CTNND2: variants seen among roughly 807,000 people sequenced by gnomAD.
CTNND2 encodes the protein catenin delta-2.
Under a neutral mutation model 144.4 loss-of-function variants are expected in CTNND2, and 22 were observed. The ratio of observed to expected loss-of-function variants is 0.15; its 90% CI spans 0.11 to 0.22. The LOEUF (loss-of-function observed/expected upper bound fraction) is 0.22. Ranked by LOEUF, CTNND2 falls within the 10% of genes least tolerant of loss-of-function variation. CTNND2 has a pLI of 1.00. For synonymous variants in CTNND2, 751 were observed against 695.6 expected (o/e 1.08, Z -1.25); for missense variants, 1,353 against 1,618.8 (o/e 0.84, Z 2.82).
chr5:11,232,807 G>T (rs370852484), intron 10 of CTNND2, among the ~76,000 whole-genome samples: 4 of 152,278 alleles, frequency 2.6e-5, no homozygotes, highest in East Asian at 3.9e-4. Flanking sequence ...GAATGATATC[G>T]TTTGGCTCTG....
rs559546402 is a variant in CTNND2, at chr5:11,825,885, G to A, written c.37+77932C>T. ...GTCAACTAGGAATTCTATACCTAGT[G>A]GAAATAAACAATAAAATAAATCAAC... On this transcript the variant is annotated intron_variant, in intron 1 of 21. Transcript: ENST00000304623. Among the ~76,000 whole-genome samples, 6 of 151,972 alleles carry A rather than the reference G, an allele frequency of 3.9e-5. No homozygotes were observed. The South Asian group carries it at 1.2e-3, about 32-fold the overall frequency.
At chr5:11,041,365 C>T (rs1580120751) in intron 16 of CTNND2, among the ~76,000 whole-genome samples, 1 of 152,162 alleles carries the variant, frequency 6.6e-6, no homozygotes, top group African/African-American at 2.4e-5. Flanking sequence ...GGTATAATTT[C>T]CAATTTATCT....
intron 10 of CTNND2, among the ~76,000 whole-genome samples, chr5:11,233,366 G>C (rs1005728069): frequency 6.6e-5 from 10 of 152,286 alleles, no homozygotes; most frequent in Admixed American, 5.2e-4. Context: ...AACAAGAAAG[G>C]CATGATTTAT....
intron 3 of CTNND2, among the ~76,000 whole-genome samples, chr5:11,416,003 A>C (rs1581147485): frequency 6.6e-6 from 1 of 152,276 alleles, no homozygotes; most frequent in Non-Finnish European, 1.5e-5. Flanking sequence ...GTTGTGTTAA[A>C]ACTCTGTAAT....
chr5:11,670,045 T>C (rs1356213818), intron 2 of CTNND2, among the ~76,000 whole-genome samples: 4 of 152,240 alleles, frequency 2.6e-5, no homozygotes, highest in South Asian at 2.1e-4. Flanking sequence ...TCAGTTTCCA[T>C]GTAGTTACGT....
intron 2 of CTNND2, among the ~76,000 whole-genome samples, chr5:11,629,409 C>A (rs187560686): frequency 1.3e-5 from 2 of 152,232 alleles, no homozygotes; most frequent in Admixed American, 6.5e-5. Context: ...CCATTCCCTA[C>A]CCCTGGCATC....
intron 3 of CTNND2, among the ~76,000 whole-genome samples, chr5:11,530,437 T>C (rs1329803888): frequency 6.6e-6 from 1 of 152,148 alleles, no homozygotes; most frequent in East Asian, 1.9e-4. Flanking sequence ...GAAGTCCCCC[T>C]CCCTGCTTTC....
intron 2 of CTNND2, among the ~76,000 whole-genome samples, chr5:11,591,245 C>T (rs1342977379): frequency 6.6e-6 from 1 of 152,162 alleles, no homozygotes; most frequent in Non-Finnish European, 1.5e-5. Flanking sequence ...GGTTATACAA[C>T]TTTGGGATCA....
chr5:11,271,729 T>C (rs1012119005), intron 9 of CTNND2, among the ~76,000 whole-genome samples: 3 of 152,304 alleles, frequency 2.0e-5, no homozygotes, highest in Middle Eastern at 3.4e-3. Flanking sequence ...ATCTGCAAAT[T>C]TGGCTCCAAT....
chr5:11,656,429 A>T (rs180814508), intron 2 of CTNND2, among the ~76,000 whole-genome samples: 69 of 151,578 alleles, frequency 4.6e-4, no homozygotes, highest in Middle Eastern at 3.4e-3. Context: ...AAAAAAAAAA[A>T]ATATACTAAT....
intron 12 of CTNND2, among the ~76,000 whole-genome samples, chr5:11,138,519 T>G (rs1580392907): frequency 6.6e-6 from 1 of 152,202 alleles, no homozygotes; most frequent in African/African-American, 2.4e-5. Context: ...GACCTGGTAG[T>G]GGCACTGGTG....
Position 11,034,153 on chromosome 5 carries a change from C to T in CTNND2, c.2789-11174G>A, listed in dbSNP as rs185750298. On this transcript the variant is annotated intron_variant, in intron 16 of 21. Transcript: ENST00000304623. Reference sequence around the variant, plus strand: ...TTAGGGGAAAAACAGAGATGTCTTTCCCCTGGTTTTATCATTTCATAAATC... The same window carrying T: ...TTAGGGGAAAAACAGAGATGTCTTTTCCCTGGTTTTATCATTTCATAAATC... Among the ~76,000 whole-genome samples, 408 of 152,238 alleles carry T rather than the reference C, an allele frequency of 2.7e-3. 12 individuals are homozygous for T. The highest frequency in any genetic ancestry group is 3.7e-4 in the Non-Finnish European group (25 of 68,008).
At chr5:11,128,901 A>G (rs1218269872) in intron 12 of CTNND2, among the ~76,000 whole-genome samples, 3 of 60,624 alleles carry the variant, frequency 4.9e-5, no homozygotes, top group Non-Finnish European at 6.4e-5. Flanking sequence ...TATATTACAT[A>G]TATAAATATA....
intron 9 of CTNND2, among the ~76,000 whole-genome samples, chr5:11,331,990 T>C (rs541482874): frequency 4.6e-4 from 70 of 152,216 alleles, no homozygotes; most frequent in South Asian, 6.2e-4. Flanking sequence ...TTAAGAATAA[T>C]GTAGGCCGGG....
intron 1 of CTNND2, among the ~76,000 whole-genome samples, chr5:11,798,122 C>T (rs557648978): frequency 8.6e-5 from 13 of 151,796 alleles, no homozygotes; most frequent in East Asian, 2.0e-4. Flanking sequence ...AATAGCCAGT[C>T]GTGGTGGTAC....
chr5:11,501,984 C>T (rs972787334), intron 3 of CTNND2, among the ~76,000 whole-genome samples: 5 of 138,626 alleles, frequency 3.6e-5, no homozygotes, highest in South Asian at 2.4e-4. Context: ...GCCGTGATTG[C>T]GCTACTGCAC....
intron 16 of CTNND2, among the ~76,000 whole-genome samples, chr5:11,052,588 TG>T (rs1745949333): frequency 6.6e-6 from 1 of 152,128 alleles, no homozygotes; most frequent in Non-Finnish European, 1.5e-5. Context: ...GTCTTAGCAT[TG>T]GGAGATTCAC....
intron 17 of CTNND2, among the ~76,000 whole-genome samples, chr5:11,021,782 CA>C (rs1742281555): frequency 7.0e-6 from 1 of 143,238 alleles, no homozygotes; most frequent in African/African-American, 2.6e-5. Context: ...TTAATAACAA[CA>C]AACTATTTAG....
chr5:11,192,794 G>A (rs909929910), intron 11 of CTNND2, among the ~76,000 whole-genome samples: 5 of 152,178 alleles, frequency 3.3e-5, no homozygotes, highest in African/African-American at 4.8e-5. Context: ...CTCCAGAACC[G>A]TAAGAAAATC....
Sources: allele counts gnomAD v4.1 joint callset (sites outside exome capture counted in the v4.1 genomes callset), GRCh38; gene constraint gnomAD v4.1.1; transcripts MANE v1.5; gene names NCBI Gene and HGNC (gene_info 2026-07-23, HGNC 2026-07-21).